The following DOC2B variants were observed in gnomAD, a reference collection of about 807,000 sequenced individuals.
DOC2B encodes the protein double C2-like domain-containing protein beta.
A neutral mutation model predicts 28.9 loss-of-function variants in DOC2B; 21 were observed. The observed-to-expected ratio is 0.73, with a 90% CI of 0.52 to 1.05. DOC2B has a LOEUF of 1.05. Ranked by LOEUF, DOC2B falls within the 50% of genes least tolerant of loss-of-function variation. The probability of loss-of-function intolerance (pLI) is 0.00; values close to 1 mark genes in which losing one functional copy is unlikely to be tolerated. For synonymous variants in DOC2B, 194 were observed against 178.1 expected, an observed-to-expected ratio of 1.09 and a Z score of -0.71; for missense variants, 384 against 421.1, an observed-to-expected ratio of 0.91 and a Z score of 0.77.
chr17:164,100 TG>T, intron 3 of DOC2B, 29 bp downstream of exon 3: 1 of 1,522,812 alleles, frequency 6.6e-7, no homozygotes, highest in Admixed American at 2.0e-5. Flanking sequence ...CGGGTGCAGC[TG>T]GTGGGCAGGC....
At position 160,134 on chromosome 17, in the gene DOC2B, A is replaced by G. The variant is rs532506184; in HGVS notation, c.765+1281T>C. 8.9e-3 allele frequency among the ~76,000 whole-genome samples: 1,336 copies of G among 150,332 alleles called. 16 individuals are homozygous for G. The highest frequency in any genetic ancestry group is 0.054 in the Middle Eastern group (15 of 280). On this transcript the variant is annotated intron_variant, in intron 5 of 8. Transcript: ENST00000613549. Reference sequence around the variant, plus strand: ...TGAGTAGCTGGGATTACAGGCATGCACCCCCACACCCGGCTAATTTTTTTA... The same window carrying G: ...TGAGTAGCTGGGATTACAGGCATGCGCCCCCACACCCGGCTAATTTTTTTA...
intron 6 of DOC2B, among the ~76,000 whole-genome samples, chr17:151,688 T>C (rs1159019416): frequency 6.6e-6 from 1 of 152,212 alleles, no homozygotes; most frequent in African/African-American, 2.4e-5. Context: ...GTCCTTGGCC[T>C]GTTTGGTGAC....
intron 5 of DOC2B, among the ~76,000 whole-genome samples, chr17:160,666 G>A (rs914556466): frequency 4.6e-5 from 7 of 152,152 alleles, no homozygotes; most frequent in African/African-American, 1.4e-4. Flanking sequence ...CCAGTGGCAC[G>A]GGGGACTCCT....
chr17:160,621 G>A (rs978419122), intron 5 of DOC2B, among the ~76,000 whole-genome samples: 3 of 152,132 alleles, frequency 2.0e-5, no homozygotes, highest in East Asian at 3.9e-4. Context: ...TGTCCTGAAC[G>A]CTGGGAGGCT....
intron 2 of DOC2B, among the ~76,000 whole-genome samples, chr17:169,593 G>A (rs1170783561): frequency 6.6e-6 from 1 of 152,064 alleles, no homozygotes; most frequent in Non-Finnish European, 1.5e-5. Flanking sequence ...GTAGTGCCAG[G>A]GGCCACGTGT....
chr17:158,303 G>A (rs547647501), intron 5 of DOC2B, among the ~76,000 whole-genome samples: 1 of 151,002 alleles, frequency 6.6e-6, no homozygotes, highest in African/African-American at 2.4e-5. Flanking sequence ...ACCCACACAC[G>A]CCCAGCTTGA....
intron 6 of DOC2B, among the ~76,000 whole-genome samples, chr17:155,668 T>C (rs1222554392): frequency 2.0e-5 from 3 of 152,236 alleles, no homozygotes; most frequent in African/African-American, 7.2e-5. Flanking sequence ...CAGCCTCTCC[T>C]GACCAGGCTC....
intron 2 of DOC2B, among the ~76,000 whole-genome samples, chr17:170,045 T>C (rs2040294084): frequency 6.6e-6 from 1 of 152,146 alleles, no homozygotes; most frequent in Non-Finnish European, 1.5e-5. Context: ...GTGTCTGGCA[T>C]GGAGAGAGGA....
chr17:143,475 A>G lies in DOC2B; in HGVS notation c.*3966T>C, dbSNP rs2039998201. 6.6e-6 allele frequency: 1 copy of G among 151,768 alleles called. No individual in the cohort carries two copies. Among genetic ancestry groups the G allele is most frequent in the African/African-American group, 2.4e-5 (1 of 41,290 alleles). 9.4% of individuals were successfully genotyped at this position (151,768 alleles called of 1,614,324 possible). ...CTCAGCCTCCTGAAAAGCTGGGGCT[A>G]CAGGTGTGTGCCACCACGCTAGGCT... On this transcript the variant is annotated 3_prime_UTR_variant, in exon 9 of 9. Transcript: ENST00000613549.
chr17:173,492 T>G (rs1271342626), intron 1 of DOC2B, among the ~76,000 whole-genome samples: 1 of 152,188 alleles, frequency 6.6e-6, no homozygotes, highest in East Asian at 1.9e-4. Context: ...GTCACATTCC[T>G]TCATTATTTA....
At chr17:180,699 C>T (rs1448821487) in intron 1 of DOC2B, among the ~76,000 whole-genome samples, 2 of 151,804 alleles carry the variant, frequency 1.3e-5, no homozygotes, top group Admixed American at 6.6e-5. Flanking sequence ...GGCTGGCGAG[C>T]GGGGAGCGAC....
Position 156,355 on chromosome 17 carries a change from G to T in DOC2B, c.788C>A (p.Ser263Tyr). Residue 263 changes from serine (S) to tyrosine (Y), a missense_variant, in exon 6 of 9, where the codon TCC becomes TAC. Coordinates refer to ENST00000613549, the MANE Select transcript of DOC2B (RefSeq NM_003585.5). ...GAGGATGCGGCCCCGCTCCTCCAGGGACTTGTCTTCAGTCTTGTCCACCTG... is the reference window on the plus strand; with the variant it reads ...GAGGATGCGGCCCCGCTCCTCCAGGTACTTGTCTTCAGTCTTGTCCACCTG... ...QLPVDKTEDK[S>Y]LEERGRILIS... 6.4e-7 allele frequency: 1 copy of T among 1,551,434 alleles called. No individual in the cohort carries two copies. Among genetic ancestry groups the T allele is most frequent in the East Asian group, 2.4e-5 (1 of 40,904 alleles).
intron 1 of DOC2B, 122 bp downstream of exon 1, chr17:180,985 G>T (rs2040434300): frequency 5.9e-6 from 5 of 846,926 alleles, no homozygotes; most frequent in Admixed American, 4.5e-5. Flanking sequence ...CCGCGGCGGG[G>T]TTGTGAACCG....
chr17:176,454 C>T lies in DOC2B; in HGVS notation c.374-3838G>A, dbSNP rs530979755. 8.1e-4 allele frequency among the ~76,000 whole-genome samples: 123 copies of T among 152,274 alleles called. 2 individuals are homozygous for T. In the South Asian group the frequency reaches 0.025, roughly 31 times the overall value. ...CAGGCTGGTCTTGAACTCCCGGGCT[C>T]AAGCAATCCTCCCGCCTTCACCTCC... On this transcript the variant is annotated intron_variant, in intron 1 of 8. Transcript: ENST00000613549.
rs898966077 is a variant in DOC2B at position 147,293 on chromosome 17, G to C, written c.*148C>G. 2 of 393,696 alleles carry C rather than the reference G, an allele frequency of 5.1e-6. No individual in the cohort carries two copies. The highest frequency in any genetic ancestry group is 8.9e-6 in the Non-Finnish European group (2 of 223,716). The allele number at this position is 393,696 out of a possible 1,614,324, so 24.4% of individuals were successfully genotyped here. On this transcript the variant is annotated 3_prime_UTR_variant, in exon 9 of 9. Coordinates refer to ENST00000613549, the MANE Select transcript of DOC2B (RefSeq NM_003585.5). The stretch of plus-strand genomic sequence containing the variant: ...AGTGGCTGAGCCCTCCACATCCTCC[G>C]AGCGGGGACTGCAGTGGCTCTGTGT...
At chr17:157,578 C>T (rs1038999233) in intron 5 of DOC2B, among the ~76,000 whole-genome samples, 27 of 152,220 alleles carry the variant, frequency 1.8e-4, no homozygotes, top group African/African-American at 6.5e-4. Context: ...TCTCCTGCCT[C>T]AGCCTTCTGA....
chr17:168,929 G>A (rs1342799210), intron 2 of DOC2B, among the ~76,000 whole-genome samples: 4 of 152,100 alleles, frequency 2.6e-5, no homozygotes, highest in Admixed American at 1.3e-4. Context: ...TGTCTTTATC[G>A]GCAGCATGAA....
At chr17:153,358 C>T (rs1391548859) in intron 6 of DOC2B, among the ~76,000 whole-genome samples, 1 of 152,206 alleles carries the variant, frequency 6.6e-6, no homozygotes, top group Non-Finnish European at 1.5e-5. Flanking sequence ...CAGCAGGTGA[C>T]CCTGGAATTC....
intron 6 of DOC2B, among the ~76,000 whole-genome samples, chr17:152,209 G>T (rs1184658741): frequency 6.6e-6 from 1 of 152,188 alleles, no homozygotes; most frequent in African/African-American, 2.4e-5. Flanking sequence ...GTTGCCCAGG[G>T]TGGCACAGCA....
Sources: allele counts gnomAD v4.1 joint callset (sites outside exome capture counted in the v4.1 genomes callset), GRCh38; gene constraint gnomAD v4.1.1; transcripts MANE v1.5; gene names NCBI Gene and HGNC (gene_info 2026-07-23, HGNC 2026-07-21).